CSMD1: variants seen among roughly 807,000 people sequenced by gnomAD.
CSMD1 encodes CUB and sushi domain-containing protein 1.
CSMD1 carries 213 observed loss-of-function variants against 417.5 expected under a neutral mutation model. That is an observed-to-expected ratio of 0.51 (90% CI 0.46 to 0.57). The LOEUF is 0.57. CSMD1 is among the 20% of genes least tolerant of loss of function. The pLI is 0.00. For missense variants in CSMD1, 6,923 were observed against 4,529.7 expected, an observed-to-expected ratio of 1.53 and a Z score of -15.17; for synonymous variants, 2,862 against 1,736.8, an observed-to-expected ratio of 1.65 and a Z score of -16.11.
intron 6 of CSMD1, among the ~76,000 whole-genome samples, chr8:3,752,189 T>A (rs1584945008): frequency 6.6e-6 from 1 of 150,876 alleles, no homozygotes; most frequent in South Asian, 2.1e-4. Context: ...TATGGGGAGG[T>A]ATGGAAAAGG....
intron 37 of CSMD1, among the ~76,000 whole-genome samples, chr8:3,180,347 C>T (rs1202069954): frequency 2.0e-5 from 3 of 152,156 alleles, no homozygotes; most frequent in African/African-American, 7.2e-5. Flanking sequence ...CAAATGCAGG[C>T]TCCGGAGCAA....
At chr8:3,846,837 C>G (rs1223115853) in intron 5 of CSMD1, among the ~76,000 whole-genome samples, 1 of 152,056 alleles carries the variant, frequency 6.6e-6, no homozygotes, top group Non-Finnish European at 1.5e-5. Flanking sequence ...CCACGTCTGG[C>G]TAATTTTTTG....
intron 3 of CSMD1, among the ~76,000 whole-genome samples, chr8:4,060,656 C>A (rs1013176714): frequency 6.6e-6 from 1 of 152,098 alleles, no homozygotes; most frequent in African/African-American, 2.4e-5. Context: ...AAAGGAGAAG[C>A]GGCACCTGGC....
chr8:4,734,729 G>A (rs978069402), intron 1 of CSMD1, among the ~76,000 whole-genome samples: 1 of 152,206 alleles, frequency 6.6e-6, no homozygotes, highest in African/African-American at 2.4e-5. Flanking sequence ...TGTTTTCATA[G>A]GCAAATAAAT....
intron 1 of CSMD1, among the ~76,000 whole-genome samples, chr8:4,955,616 C>G (rs923476993): frequency 6.6e-6 from 1 of 152,010 alleles, no homozygotes; most frequent in Non-Finnish European, 1.5e-5. Flanking sequence ...CCACTACACC[C>G]GGCTAATTTT....
intron 7 of CSMD1, among the ~76,000 whole-genome samples, chr8:3,671,897 T>C (rs1056785377): frequency 6.6e-6 from 1 of 152,190 alleles, no homozygotes; most frequent in East Asian, 1.9e-4. Context: ...CCCACCCTCA[T>C]TTCCTCTGTC....
At chr8:3,769,099 G>C (rs1363982997) in intron 5 of CSMD1, among the ~76,000 whole-genome samples, 1 of 152,202 alleles carries the variant, frequency 6.6e-6, no homozygotes, top group Non-Finnish European at 1.5e-5. Context: ...ACTAATTAAA[G>C]AGATGACTTT....
At chr8:4,369,986 A>T (rs777896252) in intron 3 of CSMD1, among the ~76,000 whole-genome samples, 3 of 152,128 alleles carry the variant, frequency 2.0e-5, no homozygotes, top group Non-Finnish European at 4.4e-5. Context: ...TGTATCTATC[A>T]TCTTGCTGTA....
chr8:4,903,672 A>G (rs910059600), intron 1 of CSMD1, among the ~76,000 whole-genome samples: 4 of 152,208 alleles, frequency 2.6e-5, no homozygotes, highest in African/African-American at 9.6e-5. Context: ...TCAGGACTAA[A>G]TGTTTATACC....
chr8:4,453,350 A>T (rs547243920), intron 2 of CSMD1, among the ~76,000 whole-genome samples: 1 of 152,186 alleles, frequency 6.6e-6, no homozygotes, highest in East Asian at 1.9e-4. Flanking sequence ...CAACTGCCCC[A>T]GTCTGCTGGG....
intron 3 of CSMD1, among the ~76,000 whole-genome samples, chr8:4,344,875 G>A (rs1413038206): frequency 1.3e-5 from 2 of 152,090 alleles, no homozygotes; most frequent in East Asian, 3.9e-4. Flanking sequence ...TAGCGATAAG[G>A]ACAACTCAAA....
intron 2 of CSMD1, among the ~76,000 whole-genome samples, chr8:4,495,517 G>C (rs1801936864): frequency 6.6e-6 from 1 of 152,110 alleles, no homozygotes; most frequent in Non-Finnish European, 1.5e-5. Flanking sequence ...AGAAGTTGCA[G>C]TGAGCCAGTA....
chr8:3,936,089 C>G (rs1810471915), intron 5 of CSMD1, among the ~76,000 whole-genome samples: 1 of 151,788 alleles, frequency 6.6e-6, no homozygotes, highest in East Asian at 1.9e-4. Flanking sequence ...GCAAAATTTT[C>G]TTAAGCCAAA....
At chr8:3,061,776 G>C (rs1387873135) in intron 49 of CSMD1, among the ~76,000 whole-genome samples, 1 of 152,158 alleles carries the variant, frequency 6.6e-6, no homozygotes, top group Non-Finnish European at 1.5e-5. Flanking sequence ...CTGCCATTGT[G>C]AAAAGTTTTT....
chr8:4,160,676 G>A (rs535521106), intron 3 of CSMD1, among the ~76,000 whole-genome samples: 50 of 152,308 alleles, frequency 3.3e-4, no homozygotes, highest in African/African-American at 1.1e-3. Context: ...ACATGTCCAC[G>A]CAATGTCCCA....
At chr8:4,393,411 A>C (rs1332523376) in intron 3 of CSMD1, among the ~76,000 whole-genome samples, 1 of 152,214 alleles carries the variant, frequency 6.6e-6, no homozygotes, top group Non-Finnish European at 1.5e-5. Flanking sequence ...GAAATCATTT[A>C]ATAGGGAAAA....
rs1051314442 is a variant in CSMD1 at position 4,056,803 on chromosome 8, G to C, written c.416-24704C>G. ...ATGCGGTGTTTCGTTTTTTGTCCTT[G>C]TGATAGTTTACTGAGAATGATGATT... On this transcript the variant is annotated intron_variant, in intron 3 of 69. Coordinates refer to ENST00000635120, the MANE Select transcript of CSMD1 (RefSeq NM_033225.6). Among the ~76,000 whole-genome samples the C allele has an allele frequency of 2.0e-5, 3 of 151,838 alleles. No individual in the cohort carries two copies. In the South Asian group the frequency reaches 6.3e-4, roughly 32 times the overall value.
chr8:4,893,445 T>C (rs954193332), intron 1 of CSMD1, among the ~76,000 whole-genome samples: 7 of 152,128 alleles, frequency 4.6e-5, no homozygotes, highest in Non-Finnish European at 5.9e-5. Context: ...TTTTTCTTTA[T>C]GTCTTCAGGG....
chr8:4,215,168 G>C (rs1033819262), intron 3 of CSMD1, among the ~76,000 whole-genome samples: 1 of 152,198 alleles, frequency 6.6e-6, no homozygotes, highest in East Asian at 1.9e-4. Flanking sequence ...AACAGGGGCT[G>C]ATAGGGACCT....
Sources: gnomAD v4.1 joint callset for allele counts (sites outside exome capture counted in the v4.1 genomes callset) on GRCh38, gnomAD v4.1.1 for gene constraint, MANE v1.5 for transcripts, NCBI Gene and HGNC (gene_info 2026-07-23, HGNC 2026-07-21) for gene names.